DSCAM: variants seen among roughly 807,000 people sequenced by gnomAD.
DSCAM encodes the protein DS cell adhesion molecule.
In DSCAM, 47 loss-of-function variants were observed where a neutral mutation model predicts 217.7. That is an observed-to-expected ratio of 0.22 (90% CI 0.17 to 0.28). The LOEUF is 0.28. DSCAM is among the 10% of genes least tolerant of loss of function. The pLI, the probability that DSCAM is intolerant of heterozygous loss-of-function variation, is 1.00. For synonymous variants in DSCAM, 1,056 were observed against 1,015.3 expected, an observed-to-expected ratio of 1.04 and a Z score of -0.76; for missense variants, 2,080 against 2,618.3, an observed-to-expected ratio of 0.79 and a Z score of 4.49.
intron 15 of DSCAM, among the ~76,000 whole-genome samples, chr21:40,178,688 CTTTCT>C (rs2090760155): frequency 2.0e-5 from 3 of 152,300 alleles, no homozygotes; most frequent in East Asian, 1.9e-4. Context: ...CCTCATACGT[CTTTCT>C]TTTAAGTCTT....
intron 3 of DSCAM, among the ~76,000 whole-genome samples, chr21:40,487,324 T>TGAGAGAGAGA (rs751088270): frequency 2.6e-5 from 2 of 76,114 alleles, no homozygotes; most frequent in Non-Finnish European, 5.7e-5. Flanking sequence ...TGTGTGTGTG[T>TGAGAGAGAGA]GTGAGAGAGA....
chr21:40,167,395 C>T, intron 15 of DSCAM, 107 bp from the exon 16 acceptor site: 2 of 948,768 alleles, frequency 2.1e-6, no homozygotes, highest in Non-Finnish European at 3.3e-6. Flanking sequence ...CTATGTTTGG[C>T]ACAGAGAAAG....
At chr21:40,188,050 G>C in intron 12 of DSCAM, 63 bp from the exon 13 acceptor site, 1 of 1,271,114 alleles carries the variant, frequency 7.9e-7, no homozygotes, top group Non-Finnish European at 1.1e-6. Context: ...GAGCCGTAAA[G>C]CTCTCTCTCT....
At chr21:40,813,207 A>G (rs2091853817) in intron 1 of DSCAM, among the ~76,000 whole-genome samples, 1 of 152,240 alleles carries the variant, frequency 6.6e-6, no homozygotes, top group African/African-American at 2.4e-5. Flanking sequence ...ATTTCATTCC[A>G]TAAAAGGCTA....
At chr21:40,025,768 C>G (rs1393502154) in intron 32 of DSCAM, among the ~76,000 whole-genome samples, 3 of 150,704 alleles carry the variant, frequency 2.0e-5, no homozygotes, top group Non-Finnish European at 4.4e-5. Flanking sequence ...CTCTTTTTCT[C>G]TTTATTAGTC....
chr21:40,686,397 C>T (rs2090478619), intron 3 of DSCAM, among the ~76,000 whole-genome samples: 1 of 151,570 alleles, frequency 6.6e-6, no homozygotes, highest in South Asian at 2.1e-4. Flanking sequence ...ACACATCATG[C>T]ACCACACACA....
At chr21:40,727,062 C>T (rs2090963210) in intron 1 of DSCAM, among the ~76,000 whole-genome samples, 1 of 152,138 alleles carries the variant, frequency 6.6e-6, no homozygotes, top group African/African-American at 2.4e-5. Context: ...TCTATAATAC[C>T]AGTGTCAGGC....
At chr21:40,507,494 A>G (rs1376056872) in intron 3 of DSCAM, among the ~76,000 whole-genome samples, 1 of 152,190 alleles carries the variant, frequency 6.6e-6, no homozygotes, top group African/African-American at 2.4e-5. Flanking sequence ...ATTTGTGAAT[A>G]TAACTTGCAT....
At chr21:40,485,237 CTTTTTTT>C (rs59901955) in intron 3 of DSCAM, among the ~76,000 whole-genome samples, 20 of 108,188 alleles carry the variant, frequency 1.8e-4, no homozygotes, top group Non-Finnish European at 1.4e-4. Context: ...GACTTTCTTT[CTTTTTTT>C]TTTTTTTTTT....
chr21:40,142,171 C>T (rs899809425), intron 18 of DSCAM, among the ~76,000 whole-genome samples: 8 of 152,302 alleles, frequency 5.3e-5, no homozygotes, highest in Middle Eastern at 6.8e-3. Context: ...GGAAATTTAA[C>T]GTTTCCCCGC....
intron 8 of DSCAM, among the ~76,000 whole-genome samples, chr21:40,330,708 C>A (rs2074369471): frequency 6.6e-6 from 1 of 151,982 alleles, no homozygotes; most frequent in Non-Finnish European, 1.5e-5. Context: ...GCCAATGCAT[C>A]CATTTAAGTA....
chr21:40,502,682 T>A (rs112434011), intron 3 of DSCAM, among the ~76,000 whole-genome samples: 53 of 152,280 alleles, frequency 3.5e-4, no homozygotes, highest in African/African-American at 1.2e-3. Context: ...TAAGGACTCT[T>A]GTCATGACAT....
At chr21:40,753,462 T>C (rs1383170617) in intron 1 of DSCAM, among the ~76,000 whole-genome samples, 1 of 152,214 alleles carries the variant, frequency 6.6e-6, no homozygotes, top group Non-Finnish European at 1.5e-5. Flanking sequence ...TACGGAAAGA[T>C]GAAGCAACAC....
At chr21:40,036,328 G>A (rs1841435024) in intron 32 of DSCAM, among the ~76,000 whole-genome samples, 1 of 149,950 alleles carries the variant, frequency 6.7e-6, no homozygotes, top group South Asian at 2.1e-4. Flanking sequence ...AAATGATAAA[G>A]GGGACATCAC....
At chr21:40,602,373 T>G (rs897506694) in intron 3 of DSCAM, among the ~76,000 whole-genome samples, 2 of 152,184 alleles carry the variant, frequency 1.3e-5, no homozygotes, top group African/African-American at 4.8e-5. Flanking sequence ...CTTTTATTTT[T>G]AGGAAGAGAT....
chr21:40,751,042 T>A (rs1478987749), intron 1 of DSCAM, among the ~76,000 whole-genome samples: 1 of 152,136 alleles, frequency 6.6e-6, no homozygotes, highest in Non-Finnish European at 1.5e-5. Flanking sequence ...CAACATCCTC[T>A]CTGTCCCTAT....
chr21:40,736,417 G>C (rs2091064027), intron 1 of DSCAM, among the ~76,000 whole-genome samples: 1 of 152,172 alleles, frequency 6.6e-6, no homozygotes, highest in African/African-American at 2.4e-5. Flanking sequence ...ATATTAGTTT[G>C]CTAGGGCTGT....
At chr21:40,556,086 T>C (rs2076669408) in intron 3 of DSCAM, among the ~76,000 whole-genome samples, 1 of 152,234 alleles carries the variant, frequency 6.6e-6, no homozygotes. Flanking sequence ...GCTTAAATTT[T>C]CTCTGCACTT....
intron 9 of DSCAM, among the ~76,000 whole-genome samples, chr21:40,300,032 C>G (rs886695065): frequency 1.3e-5 from 2 of 152,102 alleles, no homozygotes; most frequent in East Asian, 3.9e-4. Context: ...CAAGACAATT[C>G]TTACTTTGCT....
Sources: gnomAD v4.1 joint callset for allele counts (sites outside exome capture counted in the v4.1 genomes callset) on GRCh38, gnomAD v4.1.1 for gene constraint, MANE v1.5 for transcripts, NCBI Gene and HGNC (gene_info 2026-07-23, HGNC 2026-07-21) for gene names.